The following TMEM132D variants were observed in gnomAD, a reference collection of about 807,000 sequenced individuals.
The protein encoded by TMEM132D is mature OL transmembrane protein.
A neutral mutation model predicts 62.3 loss-of-function variants in TMEM132D; 21 were observed. The observed-to-expected ratio is 0.34, with a 90% CI of 0.24 to 0.49. The LOEUF is 0.49. Ranked by LOEUF, TMEM132D falls within the 20% of genes least tolerant of loss-of-function variation. TMEM132D has a pLI of 0.99. For synonymous variants in TMEM132D, 621 were observed against 575.6 expected (o/e 1.08, Z -1.13); for missense variants, 1,346 against 1,402.8 (o/e 0.96, Z 0.65).
chr12:129,200,334 C>T (rs1219362712), intron 5 of TMEM132D, among the ~76,000 whole-genome samples: 1 of 152,212 alleles, frequency 6.6e-6, no homozygotes, highest in Admixed American at 6.5e-5. Context: ...AGAGATACTC[C>T]TTCACTAATC....
chr12:129,740,024 G>T (rs1300771743), intron 1 of TMEM132D, among the ~76,000 whole-genome samples: 1 of 152,124 alleles, frequency 6.6e-6, no homozygotes, highest in Non-Finnish European at 1.5e-5. Context: ...TATGGCTGCA[G>T]CTCCCATGGA....
At chr12:129,326,019 G>C (rs1166202720) in intron 4 of TMEM132D, among the ~76,000 whole-genome samples, 2 of 152,196 alleles carry the variant, frequency 1.3e-5, no homozygotes, top group Non-Finnish European at 2.9e-5. Context: ...AGGATGGAAG[G>C]CTACACCATC....
intron 2 of TMEM132D, among the ~76,000 whole-genome samples, chr12:129,663,471 G>T: frequency 6.6e-6 from 1 of 152,184 alleles, no homozygotes; most frequent in East Asian, 1.9e-4. Context: ...TAACATTGGG[G>T]TCCACAAAAC....
intron 4 of TMEM132D, among the ~76,000 whole-genome samples, chr12:129,211,469 A>C (rs1879045365): frequency 6.6e-6 from 1 of 152,188 alleles, no homozygotes; most frequent in Non-Finnish European, 1.5e-5. Context: ...TTTGATTCTC[A>C]TGTGAAATGT....
chr12:129,675,964 T>C lies in TMEM132D; in HGVS notation c.968+23846A>G, dbSNP rs569459784. On this transcript the variant is annotated intron_variant, in intron 2 of 8. Coordinates refer to ENST00000422113, the MANE Select transcript of TMEM132D (RefSeq NM_133448.3). The stretch of plus-strand genomic sequence containing the variant: ...GGCTCTCTTAACACACAGAGAATCT[T>C]CCGGTGCCTTCAAATTTGTCATGGC... Among the ~76,000 whole-genome samples the C allele has an allele frequency of 2.0e-5, 3 of 152,346 alleles. No individual in the cohort carries two copies. The South Asian group carries it at 6.2e-4, about 32-fold the overall frequency.
At chr12:129,515,152 T>G (rs1875634200) in intron 3 of TMEM132D, among the ~76,000 whole-genome samples, 1 of 152,172 alleles carries the variant, frequency 6.6e-6, no homozygotes, top group African/African-American at 2.4e-5. Flanking sequence ...ATTTTACTTA[T>G]TTCTTAATCT....
chr12:129,132,348 C>A (rs1045661189), intron 5 of TMEM132D, among the ~76,000 whole-genome samples: 22 of 152,228 alleles, frequency 1.4e-4, no homozygotes, highest in African/African-American at 5.1e-4. Flanking sequence ...TATGAGCAAT[C>A]ATTTCTCTGG....
At position 129,206,635 on chromosome 12, in the gene TMEM132D, A is replaced by G. The variant is rs186927154; in HGVS notation, c.1443+2885T>C. On this transcript the variant is annotated intron_variant, in intron 5 of 8. Coordinates refer to ENST00000422113, the MANE Select transcript of TMEM132D (RefSeq NM_133448.3). The stretch of plus-strand genomic sequence containing the variant: ...CCAAAGGAATATAAATCATTCTACC[A>G]TAAAGATACATGCACGCGAATGTTC... Among the ~76,000 whole-genome samples, 7 of 152,376 alleles carry G rather than the reference A, an allele frequency of 4.6e-5. No individual in the cohort carries two copies. In the East Asian group the frequency reaches 1.3e-3, roughly 29 times the overall value.
intron 3 of TMEM132D, among the ~76,000 whole-genome samples, chr12:129,445,127 A>G (rs1873058887): frequency 6.6e-6 from 1 of 152,182 alleles, no homozygotes; most frequent in East Asian, 1.9e-4. Flanking sequence ...TGGTATATAA[A>G]CACCATGAAA....
chr12:129,762,844 A>G (rs2137276521), intron 1 of TMEM132D, among the ~76,000 whole-genome samples: 1 of 152,260 alleles, frequency 6.6e-6, no homozygotes, highest in Non-Finnish European at 1.5e-5. Flanking sequence ...TATGTTTTGT[A>G]CCACCCGTGC....
At position 129,760,646 on chromosome 12, in the gene TMEM132D, CTT is replaced by C. The variant is rs67750432; in HGVS notation, c.80-59950_80-59949del. ...ACAGGCATGAGTCACTGCGCCCGGA[CTT>C]TTTTTTTTTTTCTTTTTTTAAGTTC... is the stretch of plus-strand genomic sequence containing the variant. On this transcript the variant is annotated intron_variant, in intron 1 of 8. Coordinates refer to ENST00000422113, the MANE Select transcript of TMEM132D (RefSeq NM_133448.3). 8.5e-3 allele frequency among the ~76,000 whole-genome samples: 1,251 copies of C among 146,982 alleles called. 12 individuals are homozygous for C. The highest frequency in any genetic ancestry group is 0.019 in the African/African-American group (752 of 40,078).
intron 3 of TMEM132D, among the ~76,000 whole-genome samples, chr12:129,346,770 T>C (rs1207359249): frequency 6.6e-6 from 1 of 152,084 alleles, no homozygotes; most frequent in African/African-American, 2.4e-5. Context: ...AGCCAAATTG[T>C]CTCTTTGAAG....
At chr12:129,747,329 A>C (rs1869828787) in intron 1 of TMEM132D, among the ~76,000 whole-genome samples, 1 of 151,940 alleles carries the variant, frequency 6.6e-6, no homozygotes, top group African/African-American at 2.4e-5. Context: ...GCTCATTCTA[A>C]AGTCTCCTTC....
At chr12:129,575,508 AC>A (rs1315032830) in intron 2 of TMEM132D, among the ~76,000 whole-genome samples, 7 of 151,898 alleles carry the variant, frequency 4.6e-5, no homozygotes, top group Non-Finnish European at 1.0e-4. Context: ...AGGTAAACAA[AC>A]CGGGTATCAA....
intron 1 of TMEM132D, among the ~76,000 whole-genome samples, chr12:129,819,368 A>G (rs966044891): frequency 6.6e-6 from 1 of 152,194 alleles, no homozygotes; most frequent in Non-Finnish European, 1.5e-5. Context: ...TAAATAAGAT[A>G]TACTAAAATA....
intron 1 of TMEM132D, among the ~76,000 whole-genome samples, chr12:129,763,387 A>G (rs1199445411): frequency 6.7e-6 from 1 of 149,572 alleles, no homozygotes; most frequent in Non-Finnish European, 1.5e-5. Context: ...CAAGAACTCA[A>G]CTTTTAAAAC....
intron 3 of TMEM132D, among the ~76,000 whole-genome samples, chr12:129,502,891 G>A (rs1288081866): frequency 2.0e-5 from 3 of 152,186 alleles, no homozygotes; most frequent in African/African-American, 7.2e-5. Flanking sequence ...ACAGAACAAT[G>A]GGGAGCTGTT....
intron 3 of TMEM132D, among the ~76,000 whole-genome samples, chr12:129,472,661 G>A (rs1874126565): frequency 1.3e-5 from 2 of 152,106 alleles, no homozygotes; most frequent in Admixed American, 6.5e-5. Flanking sequence ...TGAAAAAGGT[G>A]GTTTGTGGAC....
intron 5 of TMEM132D, among the ~76,000 whole-genome samples, chr12:129,095,346 G>GTTTTTTTTTTT (rs34044401): frequency 9.5e-6 from 1 of 105,354 alleles, no homozygotes; most frequent in African/African-American, 3.7e-5. Flanking sequence ...ATGCCTGCTG[G>GTTTTTTTTTTT]TTTTTTTTTT....
Sources: gnomAD v4.1 joint callset for allele counts (sites outside exome capture counted in the v4.1 genomes callset) on GRCh38, gnomAD v4.1.1 for gene constraint, MANE v1.5 for transcripts, NCBI Gene and HGNC (gene_info 2026-07-23, HGNC 2026-07-21) for gene names.